The following GNPTAB variants were observed in gnomAD, a reference collection of about 807,000 sequenced individuals.
The protein encoded by GNPTAB is N-acetylglucosamine-1-phosphate transferase subunits alpha and beta.
In GNPTAB, 92 loss-of-function variants were observed where a neutral mutation model predicts 136.6. The observed-to-expected ratio is 0.67, with a 90% CI of 0.57 to 0.80. The LOEUF (loss-of-function observed/expected upper bound fraction) is 0.80. Ranked by LOEUF, GNPTAB falls within the 30% of genes least tolerant of loss-of-function variation. GNPTAB has a pLI of 0.00. For missense variants in GNPTAB, 1,343 were observed against 1,501.8 expected, an observed-to-expected ratio of 0.89 and a Z score of 1.75; for synonymous variants, 512 against 535.1, an observed-to-expected ratio of 0.96 and a Z score of 0.60.
chr12:101,749,109 C>A lies in GNPTAB; in HGVS notation c.3685G>T (p.Ala1229Ser). 1 of 1,598,028 alleles carries A rather than the reference C, an allele frequency of 6.3e-7. No individual in the cohort carries two copies. Among genetic ancestry groups the A allele is most frequent in the Admixed American group, 1.7e-5 (1 of 59,966 alleles). ...LIMFTIFSFF[A>S]EQLIALKRKI... ...AAATATATAAAACTTACCTGCTCAG[C>A]AAAAAATGAGAATATAGTAAACATA... is the stretch of plus-strand genomic sequence containing the variant. Residue 1229 changes from alanine (A) to serine (S), a missense_variant, in exon 20 of 21, where the codon GCT (alanine) becomes TCT (serine). Coordinates refer to ENST00000299314, the MANE Select transcript of GNPTAB (RefSeq NM_024312.5).
intron 17 of GNPTAB, 29 bp from the exon 18 acceptor site, chr12:101,757,339 T>C: frequency 2.4e-6 from 3 of 1,252,056 alleles, no homozygotes; most frequent in Non-Finnish European, 3.5e-6. Flanking sequence ...TTGAAGAGTT[T>C]AAATAATTAC....
At chr12:101,783,769 C>A (rs1238411207) in intron 5 of GNPTAB, among the ~76,000 whole-genome samples, 1 of 151,156 alleles carries the variant, frequency 6.6e-6, no homozygotes, top group Non-Finnish European at 1.5e-5. Flanking sequence ...GGCTGGAGAT[C>A]AGTGGTGCAA....
At chr12:101,821,057 CAA>C (rs57630700) in intron 1 of GNPTAB, among the ~76,000 whole-genome samples, 2,022 of 28,420 alleles carry the variant, frequency 0.071, 28 homozygotes, top group African/African-American at 0.19. Context: ...GACTCCGTCT[CAA>C]AAAAAAAAAA....
At chr12:101,824,405 C>CATATATATATATATATATATATATAT (rs373112951) in intron 1 of GNPTAB, among the ~76,000 whole-genome samples, 10 of 47,818 alleles carry the variant, frequency 2.1e-4, no homozygotes, top group East Asian at 1.4e-3. Flanking sequence ...GAAATTTCAC[C>CATATATATATATATATATATATATAT]ATATATATAT....
chr12:101,787,685 G>A (rs1436803207), intron 4 of GNPTAB, among the ~76,000 whole-genome samples: 7 of 152,060 alleles, frequency 4.6e-5, no homozygotes, highest in Admixed American at 1.3e-4. Flanking sequence ...AGGCCGAGGC[G>A]GGCGGATCAC....
At chr12:101,748,629 G>A (rs1323937987) in intron 20 of GNPTAB, among the ~76,000 whole-genome samples, 3 of 152,198 alleles carry the variant, frequency 2.0e-5, no homozygotes, top group African/African-American at 7.2e-5. Flanking sequence ...GAGGAGAGAG[G>A]AGGGAGAACT....
At chr12:101,807,058 C>A (rs186454857) in intron 1 of GNPTAB, among the ~76,000 whole-genome samples, 8 of 152,246 alleles carry the variant, frequency 5.3e-5, no homozygotes, top group Admixed American at 2.0e-4. Flanking sequence ...TCAAATCCAA[C>A]AATATATAAA....
intron 12 of GNPTAB, 190 bp downstream of exon 12, chr12:101,765,898 GCAA>G: frequency 1.7e-6 from 1 of 586,580 alleles, no homozygotes. Context: ...ACACCAGACT[GCAA>G]CAATAACAGG....
intron 1 of GNPTAB, among the ~76,000 whole-genome samples, chr12:101,823,609 CAAAAAAA>C (rs5800490): frequency 2.2e-5 from 2 of 91,350 alleles, no homozygotes; most frequent in Non-Finnish European, 4.3e-5. Context: ...GACTCCGTCT[CAAAAAAA>C]AAAAAAAAAA....
intron 7 of GNPTAB, among the ~76,000 whole-genome samples, chr12:101,774,382 G>A (rs1039780266): frequency 2.0e-5 from 3 of 152,178 alleles, no homozygotes; most frequent in African/African-American, 7.2e-5. Flanking sequence ...GTAGGTCAAT[G>A]GAGACCAATT....
intron 7 of GNPTAB, among the ~76,000 whole-genome samples, chr12:101,777,280 C>T (rs1183713065): frequency 1.3e-5 from 2 of 152,164 alleles, no homozygotes; most frequent in Non-Finnish European, 2.9e-5. Flanking sequence ...GGTTTTCCTA[C>T]CACACCTTTC....
chr12:101,828,063 G>A (rs12817362), intron 1 of GNPTAB, among the ~76,000 whole-genome samples: 4,748 of 152,242 alleles, frequency 0.031, 97 homozygotes, highest in Middle Eastern at 0.054. Context: ...TAACAAGTTG[G>A]TAATATTAAC....
chr12:101,768,218 T>G (rs1253976197), intron 10 of GNPTAB, 58 bp from the exon 11 acceptor site: 4 of 1,580,078 alleles, frequency 2.5e-6, no homozygotes. Context: ...CATTTTATTC[T>G]TGAGTTAAGA....
Position 101,786,235 on chromosome 12 carries a change from C to A in GNPTAB, c.366-18G>T, listed in dbSNP as rs772404868. ...GCTTCTCACTGGAAAGAAACACCAA[C>A]ATGCTTACAATTACATTCTTGAAAT... On this transcript the variant is annotated intron_variant, in intron 4 of 20. Coordinates refer to ENST00000299314, the MANE Select transcript of GNPTAB (RefSeq NM_024312.5). The A allele has an allele frequency of 1.3e-6, 2 of 1,584,588 alleles. No homozygotes were observed. Among genetic ancestry groups the A allele is most frequent in the South Asian group, 2.2e-5 (2 of 89,516 alleles).
intron 18 of GNPTAB, chr12:101,756,480 G>A: frequency 2.5e-6 from 1 of 396,598 alleles, no homozygotes; most frequent in South Asian, 1.8e-5. Context: ...AGGCTGAGGT[G>A]GGAGGATTGC....
At chr12:101,788,296 G>A (rs907147824) in intron 4 of GNPTAB, among the ~76,000 whole-genome samples, 1 of 152,218 alleles carries the variant, frequency 6.6e-6, no homozygotes, top group Non-Finnish European at 1.5e-5. Context: ...GGGAACTAAA[G>A]AGAAGGAAAT....
intron 17 of GNPTAB, 65 bp from the exon 18 acceptor site, chr12:101,757,375 T>C (rs892747662): frequency 1.1e-5 from 11 of 1,032,790 alleles, no homozygotes; most frequent in Non-Finnish European, 1.6e-5. Context: ...AAAACTTCAA[T>C]AGAAAATACA....
At chr12:101,826,950 G>GTTTTTTTT (rs902178707) in intron 1 of GNPTAB, among the ~76,000 whole-genome samples, 5 of 62,356 alleles carry the variant, frequency 8.0e-5, no homozygotes, top group Non-Finnish European at 1.2e-4. Context: ...TGTGGGAGTT[G>GTTTTTTTT]TTTTTTTTTT....
chr12:101,756,993 TA>T (rs1952910080), intron 18 of GNPTAB: 2 of 505,330 alleles, frequency 4.0e-6, no homozygotes, highest in Non-Finnish European at 6.9e-6. Flanking sequence ...AGCTTGTTAT[TA>T]ATAGAACCCA....
Sources: allele counts gnomAD v4.1 joint callset (sites outside exome capture counted in the v4.1 genomes callset), GRCh38; gene constraint gnomAD v4.1.1; transcripts MANE v1.5; gene names NCBI Gene and HGNC (gene_info 2026-07-23, HGNC 2026-07-21).